Variants in CEP83 observed in about 807,000 individuals in gnomAD.
CEP83 encodes centrosomal protein of 83 kDa.
A neutral mutation model predicts 101.9 loss-of-function variants in CEP83; 70 were observed. That is an observed-to-expected ratio of 0.69 (90% CI 0.57 to 0.84). CEP83 has a LOEUF of 0.84. Among genes scored for constraint, CEP83 ranks in the 40% least tolerant of loss-of-function variants. The probability of loss-of-function intolerance (pLI) is 0.00; values close to 1 mark genes in which losing one functional copy is unlikely to be tolerated. For missense variants in CEP83, 715 were observed against 787.2 expected (o/e 0.91, Z 1.10); for synonymous variants, 264 against 267.9 (o/e 0.99, Z 0.14).
At chr12:94,445,368 TA>T (rs1231558970) in intron 1 of CEP83, among the ~76,000 whole-genome samples, 10 of 151,888 alleles carry the variant, frequency 6.6e-5, no homozygotes, top group Admixed American at 2.0e-4. Flanking sequence ...ATTAAAAACC[TA>T]AACTATAAAC....
chr12:94,279,268 A>T, the CEP83 span, among the ~76,000 whole-genome samples: 2 of 152,102 alleles, frequency 1.3e-5, no homozygotes, highest in African/African-American at 4.8e-5. Context: ...CTATAATGAG[A>T]GTTTTAACTT....
intron 11 of CEP83, chr12:94,361,468 T>C (rs1489474594): frequency 6.6e-6 from 1 of 152,042 alleles, no homozygotes; most frequent in Non-Finnish European, 1.5e-5. Context: ...AATAGTAGCA[T>C]TGCACCTGTG....
In CEP83 at chr12:94,412,438, G is replaced by A; in HGVS notation, c.53C>T (p.Pro18Leu). ...DMDTFPNNFP[P>L]GGDSGLTGSQ... is the part of the protein sequence containing the mutation. The stretch of plus-strand genomic sequence containing the variant: ...ACCTGTCAATCCACTGTCTCCACCA[G>A]GAGGAAAATTATTGGGAAAAGTGTC... Residue 18 changes from proline (P) to leucine (L), a missense_variant, in exon 3 of 17, where the codon CCT becomes CTT. Coordinates refer to ENST00000397809, the MANE Select transcript of CEP83 (RefSeq NM_016122.3). 1 of 1,612,368 alleles carries A rather than the reference G, an allele frequency of 6.2e-7. No individual in the cohort carries two copies. The highest frequency in any genetic ancestry group is 1.1e-5 in the South Asian group (1 of 90,750).
chr12:94,306,458 CTTTTTAGTGCTGATT>C (rs1969029046), downstream of CEP83: 1 of 152,102 alleles, frequency 6.6e-6, no homozygotes, highest in Non-Finnish European at 1.5e-5. Context: ...ATACTGTAGT[CTTTTTAGTGCTGATT>C]TTTTAATTCC....
chr12:94,342,828 C>A (rs554338622), intron 11 of CEP83, among the ~76,000 whole-genome samples: 3 of 151,444 alleles, frequency 2.0e-5, no homozygotes, highest in East Asian at 1.9e-4. Context: ...CTAAACGCTA[C>A]AATTCACACT....
chr12:94,339,497 A>T (rs890647682), intron 11 of CEP83, among the ~76,000 whole-genome samples: 9 of 152,204 alleles, frequency 5.9e-5, no homozygotes, highest in Admixed American at 2.0e-4. Flanking sequence ...TTAATTTTTT[A>T]AAATTCTAAT....
chr12:94,363,778 A>C (rs186372625), intron 11 of CEP83, among the ~76,000 whole-genome samples: 1 of 151,930 alleles, frequency 6.6e-6, no homozygotes, highest in East Asian at 1.9e-4. Context: ...GTGAAACGGC[A>C]TCTCTACAAA....
chr12:94,384,312 A>G (rs141992949), intron 6 of CEP83, among the ~76,000 whole-genome samples: 1 of 152,222 alleles, frequency 6.6e-6, no homozygotes, highest in East Asian at 1.9e-4. Flanking sequence ...CTAGTTTTCT[A>G]ATTGTTTTCC....
chr12:94,452,211 G>A (rs1367351051), intron 1 of CEP83, among the ~76,000 whole-genome samples: 1 of 152,112 alleles, frequency 6.6e-6, no homozygotes, highest in Non-Finnish European at 1.5e-5. Flanking sequence ...ATGCAAATAA[G>A]CTTGAGAGAA....
intron 14 of CEP83, among the ~76,000 whole-genome samples, chr12:94,325,021 C>G (rs753814226): frequency 6.6e-6 from 1 of 152,184 alleles, no homozygotes; most frequent in Non-Finnish European, 1.5e-5. Flanking sequence ...CTCTCTTGTA[C>G]TTGCTATTCC....
chr12:94,400,050 G>A (rs533161095), intron 6 of CEP83, among the ~76,000 whole-genome samples: 1 of 152,234 alleles, frequency 6.6e-6, no homozygotes, highest in African/African-American at 2.4e-5. Flanking sequence ...ATTGGTAAAG[G>A]AAGGTAAGTA....
At position 94,370,823 on chromosome 12, in the gene CEP83, T is replaced by TA. The variant is rs200246867; in HGVS notation, c.934-788dup. ...GGGCAACATAGTGAGATCCTTTCTC[T>TA]AAAAAAAAATTTAAAAATTAGCCAG... On this transcript the variant is annotated intron_variant, in intron 8 of 16. Transcript: ENST00000397809. Among the ~76,000 whole-genome samples the TA allele has an allele frequency of 6.4e-3, 970 of 151,438 alleles. 15 individuals are homozygous for TA. Among genetic ancestry groups the TA allele is most frequent in the African/African-American group, 0.022 (927 of 41,318 alleles).
At chr12:94,377,961 A>G (rs1467649658) in intron 7 of CEP83, among the ~76,000 whole-genome samples, 1 of 152,164 alleles carries the variant, frequency 6.6e-6, no homozygotes, top group Non-Finnish European at 1.5e-5. Flanking sequence ...CTACTCTTCA[A>G]AACATACCAT....
At chr12:94,430,864 G>A (rs542964096) in intron 2 of CEP83, among the ~76,000 whole-genome samples, 12 of 152,146 alleles carry the variant, frequency 7.9e-5, no homozygotes, top group Admixed American at 2.6e-4. Flanking sequence ...CAAAAACAGC[G>A]AAATTCATTT....
chr12:94,409,854 C>CT (rs1364029709), intron 4 of CEP83, among the ~76,000 whole-genome samples: 2 of 152,080 alleles, frequency 1.3e-5, no homozygotes, highest in African/African-American at 4.8e-5. Context: ...CTCTTCTCCT[C>CT]TTTTTTTAAG....
chr12:94,367,224 C>T (rs1048664500), intron 11 of CEP83, among the ~76,000 whole-genome samples: 1 of 151,734 alleles, frequency 6.6e-6, no homozygotes, highest in African/African-American at 2.4e-5. Flanking sequence ...ATATGGGCAA[C>T]CACAGATAAT....
chr12:94,356,219 T>C (rs776331755), intron 11 of CEP83, among the ~76,000 whole-genome samples: 2 of 152,102 alleles, frequency 1.3e-5, no homozygotes, highest in Non-Finnish European at 2.9e-5. Context: ...AGCATCAGGG[T>C]AACAATGGGA....
At chr12:94,432,340 G>C (rs1196622589) in intron 2 of CEP83, among the ~76,000 whole-genome samples, 1 of 151,982 alleles carries the variant, frequency 6.6e-6, no homozygotes, top group Non-Finnish European at 1.5e-5. Flanking sequence ...GGGATTACAG[G>C]CATCAGCCAC....
chr12:94,303,981 A>G, downstream of CEP83: 1 of 1,604,514 alleles, frequency 6.2e-7, no homozygotes, highest in Non-Finnish European at 8.5e-7. Flanking sequence ...TTTTAGAAAC[A>G]TGAAAATGAA....
Sources: allele counts gnomAD v4.1 joint callset (sites outside exome capture counted in the v4.1 genomes callset), GRCh38; gene constraint gnomAD v4.1.1; transcripts MANE v1.5; gene names NCBI Gene and HGNC (gene_info 2026-07-23, HGNC 2026-07-21).